Variants in UNC5C observed in about 807,000 individuals in gnomAD.
UNC5C encodes netrin receptor UNC5C.
In UNC5C, 47 loss-of-function variants were observed where a neutral mutation model predicts 99.8. That is an observed-to-expected ratio of 0.47 (90% confidence interval 0.37 to 0.60). UNC5C has a LOEUF of 0.60. UNC5C is among the 20% of genes least tolerant of loss of function. The pLI, the probability that UNC5C is intolerant of heterozygous loss-of-function variation, is 0.00. For missense variants in UNC5C, 1,062 were observed against 1,165.9 expected, an observed-to-expected ratio of 0.91 and a Z score of 1.30; for synonymous variants, 487 against 452.2, an observed-to-expected ratio of 1.08 and a Z score of -0.98.
chr4:95,365,047 C>A (rs1014735123), intron 1 of UNC5C, among the ~76,000 whole-genome samples: 1 of 151,214 alleles, frequency 6.6e-6, no homozygotes, highest in Admixed American at 6.6e-5. Context: ...GTAATCCCAG[C>A]ACTTTGGGAG....
intron 1 of UNC5C, among the ~76,000 whole-genome samples, chr4:95,458,752 T>C (rs3912476): frequency 0.49 from 74,248 of 151,766 alleles, 18,427 homozygotes; most frequent in Admixed American, 0.61. Context: ...GTACTTCCTA[T>C]AGCTTTGCAT....
At chr4:95,546,367 A>C in intron 1 of UNC5C, among the ~76,000 whole-genome samples, 1 of 152,226 alleles carries the variant, frequency 6.6e-6, no homozygotes, top group Non-Finnish European at 1.5e-5. Flanking sequence ...GCTCAAGATA[A>C]ACAGGCTGGG....
intron 1 of UNC5C, among the ~76,000 whole-genome samples, chr4:95,548,172 G>GA (rs59254528): frequency 0.3 from 44,827 of 151,950 alleles, 7,140 homozygotes; most frequent in African/African-American, 0.4. Context: ...CACAGCACCT[G>GA]AAGCAGCAGG....
intron 1 of UNC5C, among the ~76,000 whole-genome samples, chr4:95,480,669 T>C (rs778720817): frequency 6.6e-6 from 1 of 152,044 alleles, no homozygotes; most frequent in African/African-American, 2.4e-5. Flanking sequence ...CATGATCAAG[T>C]GGGCTTCATC....
chr4:95,219,168 G>A lies in UNC5C; in HGVS notation c.1446C>T (p.Tyr482=). ...GGGGGGTGACAGCACCTGAGGTGTT[G>A]TACACTTTGATTTTCAGGTTGGGCA... ...DPLPNLKIKV[Y]NTSGAVTPQD... The change falls in exon 9 of 16, where the codon TAC becomes TAT. Residue 482 remains tyrosine (Y), a synonymous_variant. Transcript: ENST00000453304. 1.2e-6 allele frequency: 2 copies of A among 1,614,128 alleles called. No homozygotes were observed. Among genetic ancestry groups the A allele is most frequent in the Non-Finnish European group, 1.7e-6 (2 of 1,180,018 alleles).
At chr4:95,348,698 G>T (rs944047238) in intron 1 of UNC5C, among the ~76,000 whole-genome samples, 5 of 150,590 alleles carry the variant, frequency 3.3e-5, no homozygotes, top group Non-Finnish European at 5.9e-5. Flanking sequence ...TATATGAAAA[G>T]GTGCTCAACA....
At chr4:95,423,401 C>A (rs1746374653) in intron 1 of UNC5C, among the ~76,000 whole-genome samples, 1 of 152,148 alleles carries the variant, frequency 6.6e-6, no homozygotes, top group Non-Finnish European at 1.5e-5. Flanking sequence ...GCTCACCTTT[C>A]TCAATGCAGT....
intron 1 of UNC5C, among the ~76,000 whole-genome samples, chr4:95,472,018 C>T (rs988610205): frequency 3.9e-5 from 6 of 151,940 alleles, no homozygotes; most frequent in South Asian, 2.1e-4. Flanking sequence ...AGAATAAGGG[C>T]GTGAACTTTT....
intron 2 of UNC5C, among the ~76,000 whole-genome samples, chr4:95,318,556 G>A (rs1030357124): frequency 1.3e-5 from 2 of 152,154 alleles, no homozygotes; most frequent in African/African-American, 2.4e-5. Context: ...TGTTTTTCTG[G>A]TTTCACAAAT....
intron 10 of UNC5C, among the ~76,000 whole-genome samples, chr4:95,215,547 C>T (rs191284844): frequency 6.6e-6 from 1 of 151,938 alleles, no homozygotes; most frequent in African/African-American, 2.4e-5. Context: ...CTAAACAAAA[C>T]CTTTTAATTC....
At chr4:95,497,483 G>GATGATC (rs1242781668) in intron 1 of UNC5C, among the ~76,000 whole-genome samples, 1 of 151,770 alleles carries the variant, frequency 6.6e-6, no homozygotes, top group Non-Finnish European at 1.5e-5. Context: ...ATTCACCTGG[G>GATGATC]ATTTATTTAG....
At chr4:95,514,630 A>T (rs1722165716) in intron 1 of UNC5C, among the ~76,000 whole-genome samples, 1 of 148,188 alleles carries the variant, frequency 6.7e-6, no homozygotes, top group South Asian at 2.1e-4. Flanking sequence ...ATATAAATAT[A>T]TTTATTTATT....
Position 95,162,804 on chromosome 4 carries a change from C to T in UNC5C, c.*6430G>A, listed in dbSNP as rs1489869263. 1.3e-5 allele frequency: 2 copies of T among 152,074 alleles called. No homozygotes were observed. Among genetic ancestry groups the T allele is most frequent in the African/African-American group, 4.8e-5 (2 of 41,406 alleles). The allele number at this position is 152,074 out of a possible 1,614,324, so 9.4% of individuals were successfully genotyped here. A position where few individuals can be genotyped will look rare whatever the true frequency, so the allele number is the denominator to read the frequency against. ...GAACTCCACAACAACAAAAGTGTTC[C>T]ATATCGGAAAAGCCAAGGTTGTCAT... is the stretch of plus-strand genomic sequence containing the variant. On this transcript the variant is annotated 3_prime_UTR_variant, in exon 16 of 16. Coordinates refer to ENST00000453304, the MANE Select transcript of UNC5C (RefSeq NM_003728.4).
intron 1 of UNC5C, among the ~76,000 whole-genome samples, chr4:95,336,109 G>A (rs910907117): frequency 7.2e-5 from 11 of 151,836 alleles, no homozygotes; most frequent in Admixed American, 2.0e-4. Context: ...GGATATTTAC[G>A]TTCCAATTCA....
chr4:95,504,592 G>T (rs1388455540), intron 1 of UNC5C, among the ~76,000 whole-genome samples: 4 of 151,986 alleles, frequency 2.6e-5, no homozygotes, highest in Non-Finnish European at 4.4e-5. Context: ...TTATTTAAAG[G>T]CAAGGAGAAA....
Position 95,242,611 on chromosome 4 carries a change from C to A in UNC5C, c.944-18G>T. 2 of 1,542,514 alleles carry A rather than the reference C, an allele frequency of 1.3e-6. No homozygotes were observed. Among genetic ancestry groups the A allele is most frequent in the Non-Finnish European group, 1.8e-6 (2 of 1,141,324 alleles). On this transcript the variant is annotated intron_variant, in intron 6 of 15. Transcript: ENST00000453304. ...GCCATCCACTGCCATGGAAAAAATG[C>A]AGCAGGAGGTCAGAGGGAGAGGCAG...
At chr4:95,321,936 T>A (rs1391436883) in intron 2 of UNC5C, among the ~76,000 whole-genome samples, 2 of 152,178 alleles carry the variant, frequency 1.3e-5, no homozygotes, top group Non-Finnish European at 2.9e-5. Flanking sequence ...AAAAGAAAAA[T>A]TGTTAGTTTC....
chr4:95,175,760 C>G (rs1448045431), intron 14 of UNC5C, among the ~76,000 whole-genome samples: 1 of 152,154 alleles, frequency 6.6e-6, no homozygotes, highest in Non-Finnish European at 1.5e-5. Flanking sequence ...TTGTGGCATT[C>G]TCTGTATTTC....
intron 1 of UNC5C, among the ~76,000 whole-genome samples, chr4:95,547,732 G>A (rs914862544): frequency 6.6e-6 from 1 of 152,206 alleles, no homozygotes; most frequent in Non-Finnish European, 1.5e-5. Context: ...GACAGCCTTG[G>A]CTCTTTCTTC....
Sources: gnomAD v4.1 joint callset for allele counts (sites outside exome capture counted in the v4.1 genomes callset) on GRCh38, gnomAD v4.1.1 for gene constraint, MANE v1.5 for transcripts, NCBI Gene and HGNC (gene_info 2026-07-23, HGNC 2026-07-21) for gene names.